PTPRN2: variants seen among roughly 807,000 people sequenced by gnomAD.
PTPRN2 encodes protein tyrosine phosphatase receptor type N2.
A neutral mutation model predicts 118.8 loss-of-function variants in PTPRN2; 74 were observed. The ratio of observed to expected loss-of-function variants is 0.62; its 90% confidence interval spans 0.52 to 0.76. The LOEUF is 0.76. PTPRN2 is among the 30% of genes least tolerant of loss of function. PTPRN2 has a pLI of 0.00. For missense variants in PTPRN2, 1,481 were observed against 1,394.4 expected, an observed-to-expected ratio of 1.06 and a Z score of -0.99; for synonymous variants, 641 against 608.0, an observed-to-expected ratio of 1.05 and a Z score of -0.80.
Position 157,598,153 on chromosome 7 carries a change from A to G in PTPRN2, c.2419-2838T>C, listed in dbSNP as rs990349713. 6.6e-6 allele frequency among the ~76,000 whole-genome samples: 1 copy of G among 152,234 alleles called. No individual in the cohort carries two copies. Among genetic ancestry groups the G allele is most frequent in the Admixed American group, 6.5e-5 (1 of 15,278 alleles). ...TAACATTGCTTTTTCCAATGAGGGC[A>G]TCTGCGTGACAACCGGACATGGTGG... On this transcript the variant is annotated intron_variant, in intron 16 of 22. Coordinates refer to ENST00000389418, the MANE Select transcript of PTPRN2 (RefSeq NM_002847.5). The surrounding 1 kb of genome is among the most constrained non-coding windows in gnomAD (Gnocchi z 5.2).
At chr7:158,312,669 G>A (rs1801933999) in intron 3 of PTPRN2, among the ~76,000 whole-genome samples, 1 of 139,984 alleles carries the variant, frequency 7.1e-6, no homozygotes, top group Admixed American at 7.1e-5. Context: ...ATGTGTGCCT[G>A]CCTGCACACA....
At chr7:158,195,545 G>T (rs73746423) in intron 4 of PTPRN2, among the ~76,000 whole-genome samples, 14 of 150,632 alleles carry the variant, frequency 9.3e-5, no homozygotes, top group Non-Finnish European at 1.5e-4. Context: ...TTCTGTTCCT[G>T]TCTCTCCCGC....
chr7:158,148,458 A>C (rs370840864), intron 6 of PTPRN2, among the ~76,000 whole-genome samples: 12 of 79,850 alleles, frequency 1.5e-4, no homozygotes, highest in East Asian at 1.1e-3. Context: ...CTCATGCCAC[A>C]CGTCTTTCCC....
intron 2 of PTPRN2, among the ~76,000 whole-genome samples, chr7:158,437,153 ATC>A (rs1212239499): frequency 6.6e-6 from 1 of 151,980 alleles, no homozygotes; most frequent in Non-Finnish European, 1.5e-5. Flanking sequence ...CTCAGTTTTG[ATC>A]TGTTACTCTG....
At chr7:158,537,335 G>C (rs1406534108) in intron 1 of PTPRN2, among the ~76,000 whole-genome samples, 4 of 152,238 alleles carry the variant, frequency 2.6e-5, no homozygotes, top group Non-Finnish European at 5.9e-5. Context: ...CACAGGAAGA[G>C]GCTCTCTAGT....
At chr7:158,245,481 A>G (rs527802373) in intron 3 of PTPRN2, among the ~76,000 whole-genome samples, 23 of 152,262 alleles carry the variant, frequency 1.5e-4, no homozygotes, top group Non-Finnish European at 2.9e-4. Context: ...CGCACTTCTC[A>G]TAGAGCGCAT....
At chr7:157,542,102 C>T (rs1798041099) in intron 22 of PTPRN2, among the ~76,000 whole-genome samples, 1 of 152,196 alleles carries the variant, frequency 6.6e-6, no homozygotes, top group East Asian at 1.9e-4. Flanking sequence ...TTCTGCTCCT[C>T]GAAATTACGT....
intron 21 of PTPRN2, 145 bp downstream of exon 21, chr7:157,568,757 T>G: frequency 3.9e-6 from 3 of 775,952 alleles, no homozygotes; most frequent in Non-Finnish European, 6.4e-6. Flanking sequence ...ATGTGCTTGC[T>G]GCAAACCACC....
rs1227946836 is a variant in PTPRN2 at position 157,591,982 on chromosome 7, G to A, written c.2496+3256C>T. Among the ~76,000 whole-genome samples the A allele has an allele frequency of 6.6e-6, 1 of 152,196 alleles. No homozygotes were observed. Among genetic ancestry groups the A allele is most frequent in the Admixed American group, 6.5e-5 (1 of 15,294 alleles). On this transcript the variant is annotated intron_variant, in intron 17 of 22. Coordinates refer to ENST00000389418, the MANE Select transcript of PTPRN2 (RefSeq NM_002847.5). The surrounding 1 kb of genome is among the most constrained non-coding windows in gnomAD (Gnocchi z 4.4). ...TGGCATGCTCGAGAACATCCTGGGA[G>A]GGCTGAGGCTACTGGCCATGAGCTC...
intron 2 of PTPRN2, among the ~76,000 whole-genome samples, chr7:158,337,021 CTGTCACCCACAGACATCA>C (rs1805714387): frequency 9.8e-6 from 1 of 101,880 alleles, no homozygotes. Flanking sequence ...ACCATAAGAG[CTGTCACCCACAGACATCA>C]CTCACACCCA....
Position 158,272,266 on chromosome 7 carries a change from G to A in PTPRN2, c.277+44553C>T, listed in dbSNP as rs748543665. ...GTCTTCGGAGAGCCGCGTCTCCGGG[G>A]CCCGGGCAGGCCCTGTGGTCTCCCT... On this transcript the variant is annotated intron_variant, in intron 3 of 22. Coordinates refer to ENST00000389418, the MANE Select transcript of PTPRN2 (RefSeq NM_002847.5). Among the ~76,000 whole-genome samples the A allele has an allele frequency of 5.3e-5, 8 of 152,144 alleles. No individual in the cohort carries two copies. In the South Asian group the frequency reaches 6.2e-4, roughly 12 times the overall value.
intron 17 of PTPRN2, among the ~76,000 whole-genome samples, chr7:157,580,647 CACACCCGAGCCCCTGA>C (rs1800314005): frequency 2.2e-5 from 3 of 136,656 alleles, no homozygotes; most frequent in African/African-American, 5.5e-5. Context: ...CCAGCACCTG[CACACCCGAGCCCCTGA>C]ACACCCGAGC....
At chr7:158,143,739 G>A (rs532981958) in intron 6 of PTPRN2, among the ~76,000 whole-genome samples, 8 of 152,242 alleles carry the variant, frequency 5.3e-5, no homozygotes, top group Admixed American at 2.6e-4. Context: ...GTCACGATTC[G>A]CAGGAAGTGG....
intron 11 of PTPRN2, among the ~76,000 whole-genome samples, chr7:157,933,928 G>C (rs1317886511): frequency 6.6e-6 from 1 of 152,040 alleles, no homozygotes; most frequent in African/African-American, 2.4e-5. Flanking sequence ...GGAGGGGTGA[G>C]TCACTCTAAA....
At chr7:158,302,118 G>A (rs1303780706) in intron 3 of PTPRN2, among the ~76,000 whole-genome samples, 1 of 152,164 alleles carries the variant, frequency 6.6e-6, no homozygotes, top group East Asian at 1.9e-4. Context: ...TCAGTGATGG[G>A]AAAACAATAC....
chr7:158,056,093 T>C (rs1809766948), intron 11 of PTPRN2, among the ~76,000 whole-genome samples: 1 of 152,230 alleles, frequency 6.6e-6, no homozygotes, highest in African/African-American at 2.4e-5. Flanking sequence ...GCTCTTGCTC[T>C]GCTCTAATGC....
chr7:158,077,849 T>C (rs2128928044), intron 11 of PTPRN2, among the ~76,000 whole-genome samples: 1 of 152,284 alleles, frequency 6.6e-6, no homozygotes, highest in South Asian at 2.1e-4. Flanking sequence ...AAGAAGAAAC[T>C]ACCAAGGAAA....
intron 2 of PTPRN2, among the ~76,000 whole-genome samples, chr7:158,452,969 C>A (rs1379405752): frequency 6.6e-6 from 1 of 152,216 alleles, no homozygotes; most frequent in Non-Finnish European, 1.5e-5. Flanking sequence ...ACAGGGAGCA[C>A]CCCGAGGATC....
chr7:158,526,892 T>C lies in PTPRN2; in HGVS notation c.113-37107A>G, dbSNP rs928516460. On this transcript the variant is annotated intron_variant, in intron 1 of 22. Coordinates refer to ENST00000389418, the MANE Select transcript of PTPRN2 (RefSeq NM_002847.5). The surrounding 1 kb of genome is among the most constrained non-coding windows in gnomAD (Gnocchi z 5.2). ...GTTGTTTGCTAAGCCGCCTGGTTTG[T>C]GGGGGTTTGTTAGGGAGACTGAGCC... 1.3e-5 allele frequency among the ~76,000 whole-genome samples: 2 copies of C among 152,102 alleles called. No individual in the cohort carries two copies. Among genetic ancestry groups the C allele is most frequent in the Non-Finnish European group, 2.9e-5 (2 of 68,022 alleles).
Sources: allele counts gnomAD v4.1 joint callset (sites outside exome capture counted in the v4.1 genomes callset), GRCh38; gene constraint gnomAD v4.1.1; non-coding constraint Gnocchi (gnomAD v3.1); transcripts MANE v1.5; gene names NCBI Gene and HGNC (gene_info 2026-07-23, HGNC 2026-07-21).